The following CRTAP variants were observed in gnomAD, a reference collection of about 807,000 sequenced individuals.
CRTAP encodes cartilage-associated protein.
CRTAP carries 33 observed loss-of-function variants against 42.7 expected under a neutral mutation model. The observed-to-expected ratio is 0.77, with a 90% confidence interval of 0.59 to 1.03. The LOEUF (loss-of-function observed/expected upper bound fraction) is 1.03, where lower values mean the gene tolerates loss of function less well. Among genes scored for constraint, CRTAP ranks in the 50% least tolerant of loss-of-function variants. The pLI is 0.00. For missense variants in CRTAP, 613 were observed against 533.9 expected (o/e 1.15, Z -1.46); for synonymous variants, 243 against 217.7 (o/e 1.12, Z -1.02).
At chr3:33,130,192 A>G (rs551613585) in intron 4 of CRTAP, 125 bp downstream of exon 4, 3 of 960,758 alleles carry the variant, frequency 3.1e-6, no homozygotes, top group Non-Finnish European at 4.9e-6. Flanking sequence ...CCCTGGTGCT[A>G]TGCTTTGCAC....
intron 4 of CRTAP, 54 bp from the exon 5 acceptor site, chr3:33,132,501 A>T: frequency 1.2e-6 from 2 of 1,610,938 alleles, no homozygotes; most frequent in East Asian, 2.2e-5. Context: ...AAGCAGAGAA[A>T]TTATAGGGTG....
chr3:33,137,636 T>A (rs1466246111), intron 6 of CRTAP, among the ~76,000 whole-genome samples: 1 of 152,254 alleles, frequency 6.6e-6, no homozygotes, highest in Non-Finnish European at 1.5e-5. Context: ...AGATATTTTC[T>A]CACAATTTGT....
chr3:33,132,607 T>C lies in CRTAP; in HGVS notation c.975T>C (p.Asp325=), dbSNP rs760493228. The C allele has an allele frequency of 3.1e-6, 5 of 1,614,148 alleles. No individual in the cohort carries two copies. Among genetic ancestry groups the C allele is most frequent in the Non-Finnish European group, 4.2e-6 (5 of 1,179,996 alleles). ...GTGCAGTCAGCTATCTGCTCTTTGA[T>C]CAGAATGACAAGGTCATGCAGCAGA... ...APCAVSYLLF[D]QNDKVMQQNL... Residue 325 remains aspartate, a synonymous_variant, in exon 5 of 7, where the codon GAT becomes GAC. Transcript: ENST00000320954.
chr3:33,138,589 C>T (rs1031907382), intron 6 of CRTAP, among the ~76,000 whole-genome samples: 4 of 152,084 alleles, frequency 2.6e-5, no homozygotes, highest in African/African-American at 9.7e-5. Flanking sequence ...AATAGAAATA[C>T]AATAGATTTT....
At chr3:33,137,873 G>T (rs1391597289) in intron 6 of CRTAP, among the ~76,000 whole-genome samples, 2 of 152,172 alleles carry the variant, frequency 1.3e-5, no homozygotes, top group Non-Finnish European at 2.9e-5. Flanking sequence ...TTAATTTTAT[G>T]TGTGATATTA....
intron 3 of CRTAP, among the ~76,000 whole-genome samples, chr3:33,128,574 T>C (rs550241545): frequency 6.6e-6 from 1 of 152,366 alleles, no homozygotes; most frequent in East Asian, 1.9e-4. Context: ...TTGTTGATGT[T>C]AATTTTTTGT....
intron 5 of CRTAP, 100 bp downstream of exon 5, chr3:33,132,800 C>T: frequency 7.0e-7 from 1 of 1,430,816 alleles, no homozygotes; most frequent in South Asian, 1.2e-5. Context: ...AATAAAGGGG[C>T]TGGGCGCGGT....
intron 3 of CRTAP, among the ~76,000 whole-genome samples, chr3:33,127,069 T>C (rs1036172707): frequency 6.6e-6 from 1 of 150,718 alleles, no homozygotes; most frequent in African/African-American, 2.4e-5. Context: ...AAAAACTTCC[T>C]TGTGGGCAAA....
rs778741063 is a variant in CRTAP at position 33,114,169 on chromosome 3, A to ACAGCTTCCG, written c.101_109dup (p.Arg34_Phe36dup). 3.2e-5 allele frequency: 51 copies of ACAGCTTCCG among 1,590,358 alleles called. No individual in the cohort carries two copies. The highest frequency in any genetic ancestry group is 4.3e-5 in the Non-Finnish European group (51 of 1,175,648). ...GCCGGGCGCGCCCAATACGAACGCT[A>ACAGCTTCCG]CAGCTTCCGCAGCTTCCCACGGGAC... On this transcript the variant is annotated inframe_insertion, in exon 1 of 7. Transcript: ENST00000320954.
chr3:33,141,415 T>C lies in CRTAP; in HGVS notation c.1153-980T>C, dbSNP rs147924322. Among the ~76,000 whole-genome samples, 242 of 152,310 alleles carry C rather than the reference T, an allele frequency of 1.6e-3. 5 individuals carry two copies. The South Asian group carries it at 0.037, about 23-fold the overall frequency. ...TGAGTTTCTAATCTCAGGCATGACA[T>C]AGTAGAAGTATTTGATGATAATACT... On this transcript the variant is annotated intron_variant, in intron 6 of 6. Transcript: ENST00000320954.
At chr3:33,118,239 A>G (rs930153796) in intron 1 of CRTAP, among the ~76,000 whole-genome samples, 1 of 152,148 alleles carries the variant, frequency 6.6e-6, no homozygotes, top group African/African-American at 2.4e-5. Context: ...GATTACAGGC[A>G]TGAGCCACTG....
At chr3:33,120,655 C>T (rs1015363343) in intron 2 of CRTAP, among the ~76,000 whole-genome samples, 162 bp downstream of exon 2, 4 of 152,120 alleles carry the variant, frequency 2.6e-5, no homozygotes, top group African/African-American at 9.7e-5. Context: ...CAAAGTGATC[C>T]ATTTAATAAT....
At chr3:33,138,629 T>G (rs992821763) in intron 6 of CRTAP, among the ~76,000 whole-genome samples, 9 of 152,232 alleles carry the variant, frequency 5.9e-5, no homozygotes, top group Non-Finnish European at 5.9e-5. Flanking sequence ...TTGCTGAACT[T>G]ATTTATTAGT....
intron 6 of CRTAP, among the ~76,000 whole-genome samples, chr3:33,135,220 A>G (rs142516165): frequency 1.9e-4 from 29 of 152,322 alleles, no homozygotes; most frequent in African/African-American, 7.0e-4. Flanking sequence ...TGGTTTGGGT[A>G]TCCTTGAAGC....
chr3:33,114,388 C>T lies in CRTAP; in HGVS notation c.311C>T (p.Pro104Leu), dbSNP rs1044293062. 13 of 1,533,572 alleles carry T rather than the reference C, an allele frequency of 8.5e-6. No individual in the cohort carries two copies. Among genetic ancestry groups the T allele is most frequent in the Admixed American group, 2.0e-5 (1 of 51,108 alleles). 95.0% of individuals were successfully genotyped at this position (1,533,572 alleles called of 1,614,324 possible). Residue 104 changes from proline to leucine, a missense_variant, in exon 1 of 7, where the codon CCC (proline) becomes CTC (leucine). Coordinates refer to ENST00000320954, the MANE Select transcript of CRTAP (RefSeq NM_006371.5). ...CCCGCCGCCGGCCTCGCCAGCTATC[C>T]CGAGCTGCGCCTCTTCGGGGGCCTG... Reference protein sequence around the residue: ...PEPAAGLASYPELRLFGGLLR... With the variant: ...PEPAAGLASYLELRLFGGLLR...
chr3:33,114,562 G>T lies in CRTAP; in HGVS notation c.471+14G>T. On this transcript the variant is annotated intron_variant, in intron 1 of 6. Transcript: ENST00000320954. The stretch of plus-strand genomic sequence containing the variant: ...GCTTACTTCAAGGCAAGTCCGCCTC[G>T]CCCCGTCCCAGGCCCCGGCCCCGCC... 3 of 1,563,620 alleles carry T rather than the reference G, an allele frequency of 1.9e-6. No homozygotes were observed. Among genetic ancestry groups the T allele is most frequent in the Non-Finnish European group, 2.6e-6 (3 of 1,155,004 alleles).
intron 6 of CRTAP, among the ~76,000 whole-genome samples, chr3:33,135,059 G>T (rs530280673): frequency 1.3e-5 from 2 of 152,282 alleles, no homozygotes; most frequent in South Asian, 4.1e-4. Flanking sequence ...TGTATGGGAT[G>T]AACTCATCAC....
chr3:33,119,750 G>A (rs111289069), intron 1 of CRTAP, among the ~76,000 whole-genome samples: 38 of 152,322 alleles, frequency 2.5e-4, no homozygotes, highest in African/African-American at 9.1e-4. Flanking sequence ...ACAAAGGTGT[G>A]TGCAGTGCAT....
intron 4 of CRTAP, among the ~76,000 whole-genome samples, chr3:33,131,361 A>G (rs2125603395): frequency 6.6e-6 from 1 of 152,204 alleles, no homozygotes; most frequent in Admixed American, 6.5e-5. Flanking sequence ...TATGTATTAT[A>G]TAAATATAAA....
Sources: gnomAD v4.1 joint callset for allele counts (sites outside exome capture counted in the v4.1 genomes callset) on GRCh38, gnomAD v4.1.1 for gene constraint, MANE v1.5 for transcripts, NCBI Gene and HGNC (gene_info 2026-07-23, HGNC 2026-07-21) for gene names.